CPVL: variants seen among roughly 807,000 people sequenced by gnomAD.
CPVL encodes the protein probable serine carboxypeptidase CPVL.
A neutral mutation model predicts 63.7 loss-of-function variants in CPVL; 51 were observed. That is an observed-to-expected ratio of 0.80 (90% confidence interval 0.64 to 1.01). The LOEUF (loss-of-function observed/expected upper bound fraction) is 1.01. CPVL is among the 50% of genes least tolerant of loss of function. CPVL has a pLI of 0.00. For synonymous variants in CPVL, 195 were observed against 206.0 expected (o/e 0.95, Z 0.46); for missense variants, 530 against 573.1 (o/e 0.92, Z 0.77).
chr7:29,189,655 C>T (rs985594231), intron 1 of CPVL, among the ~76,000 whole-genome samples: 2 of 152,146 alleles, frequency 1.3e-5, no homozygotes, highest in Admixed American at 6.5e-5. Context: ...TCTCTTCAAA[C>T]AGAAAGAAAA....
intron 11 of CPVL, among the ~76,000 whole-genome samples, chr7:29,042,257 C>T (rs1180097354): frequency 6.6e-6 from 1 of 152,014 alleles, no homozygotes; most frequent in Non-Finnish European, 1.5e-5. Context: ...TATTGGCTTG[C>T]CCTGCCAGCT....
At chr7:29,157,294 T>G (rs1272534195) in intron 5 of CPVL, among the ~76,000 whole-genome samples, 2 of 151,542 alleles carry the variant, frequency 1.3e-5, no homozygotes, top group Non-Finnish European at 2.9e-5. Context: ...CTGTCAGTAC[T>G]GCATCTTTAA....
chr7:29,002,668 G>T (rs1391411162), intron 12 of CPVL, among the ~76,000 whole-genome samples: 1 of 151,888 alleles, frequency 6.6e-6, no homozygotes, highest in African/African-American at 2.4e-5. Flanking sequence ...TAATTCACAA[G>T]ATAATTAGAA....
At chr7:29,116,865 T>G (rs1296902274) in intron 2 of CPVL, among the ~76,000 whole-genome samples, 1 of 152,212 alleles carries the variant, frequency 6.6e-6, no homozygotes, top group Non-Finnish European at 1.5e-5. Flanking sequence ...AAATTAAAAA[T>G]TTCCCTTGTT....
At chr7:29,001,763 G>C (rs2128125728) in intron 12 of CPVL, among the ~76,000 whole-genome samples, 1 of 152,266 alleles carries the variant, frequency 6.6e-6, no homozygotes, top group Admixed American at 6.5e-5. Context: ...CCATCATAAT[G>C]GTACATATTC....
intron 1 of CPVL, among the ~76,000 whole-genome samples, chr7:29,124,097 T>C (rs1434305215): frequency 6.6e-6 from 1 of 152,172 alleles, no homozygotes; most frequent in Non-Finnish European, 1.5e-5. Flanking sequence ...TTATCTCTCC[T>C]TATGAGAATG....
At chr7:29,107,153 C>A (rs570132898) in intron 3 of CPVL, among the ~76,000 whole-genome samples, 2 of 152,224 alleles carry the variant, frequency 1.3e-5, no homozygotes, top group Non-Finnish European at 2.9e-5. Flanking sequence ...GAGACCAAGG[C>A]ACAAGTAATA....
intron 4 of CPVL, 48 bp from the exon 5 acceptor site, chr7:29,095,190 C>T (rs1210420165): frequency 2.0e-6 from 3 of 1,519,976 alleles, no homozygotes; most frequent in South Asian, 1.1e-5. Flanking sequence ...GACAAGCATT[C>T]CACCGAGGCC....
chr7:29,019,045 G>T (rs1786695096), intron 12 of CPVL, among the ~76,000 whole-genome samples: 1 of 142,858 alleles, frequency 7.0e-6, no homozygotes. Context: ...ATAGAGATAG[G>T]TATAAATATA....
intron 1 of CPVL, among the ~76,000 whole-genome samples, chr7:29,135,792 A>G (rs1411703185): frequency 6.6e-6 from 1 of 152,196 alleles, no homozygotes; most frequent in Admixed American, 6.5e-5. Flanking sequence ...TCTAGCTTGC[A>G]GGCTCAAGCA....
intron 1 of CPVL, among the ~76,000 whole-genome samples, chr7:29,141,192 C>T (rs1791831974): frequency 6.6e-6 from 1 of 152,204 alleles, no homozygotes; most frequent in African/African-American, 2.4e-5. Context: ...AACACAGTAC[C>T]TAGCATACAG....
intron 7 of CPVL, among the ~76,000 whole-genome samples, chr7:29,075,956 G>GTTTTTTTTTTTTT (rs1554335832): frequency 1.5e-4 from 16 of 110,306 alleles, no homozygotes; most frequent in Admixed American, 2.2e-4. Flanking sequence ...TGTTGAGATA[G>GTTTTTTTTTTTTT]TTTTTTTTTT....
At chr7:29,035,326 A>T (rs980343762) in intron 11 of CPVL, among the ~76,000 whole-genome samples, 2 of 152,068 alleles carry the variant, frequency 1.3e-5, no homozygotes, top group Non-Finnish European at 2.9e-5. Context: ...TCTACCTAAA[A>T]TTTTTCCTTA....
chr7:29,089,619 G>GTAAA (rs1239014608), intron 6 of CPVL, among the ~76,000 whole-genome samples: 1 of 152,108 alleles, frequency 6.6e-6, no homozygotes, highest in African/African-American at 2.4e-5. Context: ...ACACCCAGGC[G>GTAAA]TTACCACCCC....
At chr7:29,186,275 T>C (rs1798697276) in intron 2 of CPVL, among the ~76,000 whole-genome samples, 1 of 151,978 alleles carries the variant, frequency 6.6e-6, no homozygotes, top group African/African-American at 2.4e-5. Context: ...GACAGTATCA[T>C]CATAGGTTCA....
intron 11 of CPVL, among the ~76,000 whole-genome samples, chr7:29,046,057 A>T (rs1269999627): frequency 1.3e-5 from 2 of 150,694 alleles, no homozygotes; most frequent in South Asian, 4.2e-4. Context: ...ATGTAACTTT[A>T]TATTTACCAT....
At chr7:29,007,339 C>T (rs1388172630) in intron 12 of CPVL, among the ~76,000 whole-genome samples, 2 of 152,140 alleles carry the variant, frequency 1.3e-5, no homozygotes, top group East Asian at 3.8e-4. Context: ...AATAGAACCA[C>T]ATGAACTAAG....
Position 28,995,657 on chromosome 7 carries a change from G to GA in CPVL, c.*114dup. ...TGTTTCAAGGATAATTTTTATTGAT[G>GA]AAAAAAATCTTGCAGATATGAAAAG... On this transcript the variant is annotated 3_prime_UTR_variant, in exon 13 of 13. Coordinates refer to ENST00000265394, the MANE Select transcript of CPVL (RefSeq NM_031311.5). 1 of 682,040 alleles carries GA rather than the reference G, an allele frequency of 1.5e-6. No individual in the cohort carries two copies. The highest frequency in any genetic ancestry group is 2.5e-6 in the Non-Finnish European group (1 of 401,984). The allele number at this position is 682,040 out of a possible 1,614,324, so 42.2% of individuals were successfully genotyped here. A position where few individuals can be genotyped will look rare whatever the true frequency, so the allele number is the denominator to read the frequency against.
intron 1 of CPVL, chr7:29,193,578 G>C (rs1006194569): frequency 1.1e-4 from 17 of 152,078 alleles, no homozygotes; most frequent in Admixed American, 2.0e-4. Flanking sequence ...CTTTAGGATT[G>C]AAAGAACCGA....
Sources: gnomAD v4.1 joint callset for allele counts (sites outside exome capture counted in the v4.1 genomes callset) on GRCh38, gnomAD v4.1.1 for gene constraint, MANE v1.5 for transcripts, NCBI Gene and HGNC (gene_info 2026-07-23, HGNC 2026-07-21) for gene names.